Variants in MFSD8 observed in about 807,000 individuals in gnomAD.
MFSD8 encodes major facilitator superfamily domain-containing protein 8.
In MFSD8, 55 loss-of-function variants were observed where a neutral mutation model predicts 66.4. The observed-to-expected ratio is 0.83, with a 90% CI of 0.67 to 1.04. The LOEUF is 1.04. Ranked by LOEUF, MFSD8 falls within the 50% of genes least tolerant of loss-of-function variation. MFSD8 has a pLI of 0.00. For missense variants in MFSD8, 550 were observed against 627.6 expected (o/e 0.88, Z 1.32); for synonymous variants, 202 against 212.8 (o/e 0.95, Z 0.44).
intron 9 of MFSD8, among the ~76,000 whole-genome samples, chr4:127,925,545 T>C (rs1338872687): frequency 2.0e-5 from 3 of 152,162 alleles, no homozygotes; most frequent in African/African-American, 7.2e-5. Flanking sequence ...TGAGATACCA[T>C]CTCACACCAG....
chr4:127,926,070 C>T (rs915156750), intron 9 of MFSD8, among the ~76,000 whole-genome samples: 1 of 151,722 alleles, frequency 6.6e-6, no homozygotes, highest in Non-Finnish European at 1.5e-5. Flanking sequence ...GAACATCACA[C>T]ACAGGGGCCT....
At chr4:127,952,336 G>C (rs182076323) in intron 2 of MFSD8, among the ~76,000 whole-genome samples, 19 of 151,202 alleles carry the variant, frequency 1.3e-4, no homozygotes, top group Middle Eastern at 3.4e-3. Context: ...CCCGGGAGGC[G>C]AAGCTTGCAG....
At chr4:127,954,273 C>CT (rs1560771515) in intron 2 of MFSD8, among the ~76,000 whole-genome samples, 2 of 152,094 alleles carry the variant, frequency 1.3e-5, no homozygotes, top group Non-Finnish European at 2.9e-5. Context: ...TTGTATTTTA[C>CT]TTTTTGTATG....
chr4:127,941,995 A>C, intron 5 of MFSD8, 50 bp downstream of exon 5: 1 of 1,442,718 alleles, frequency 6.9e-7, no homozygotes, highest in Non-Finnish European at 9.8e-7. Context: ...TTTAAGCCTC[A>C]AAAGTTTTCC....
At chr4:127,944,745 C>T (rs770475805) in intron 3 of MFSD8, among the ~76,000 whole-genome samples, 6 of 152,090 alleles carry the variant, frequency 3.9e-5, no homozygotes, top group Non-Finnish European at 2.9e-5. Flanking sequence ...AGTGCAGCCT[C>T]GACCTTTGAG....
intron 1 of MFSD8, among the ~76,000 whole-genome samples, chr4:127,964,384 G>A (rs954328851): frequency 6.6e-6 from 1 of 152,242 alleles, no homozygotes; most frequent in Non-Finnish European, 1.5e-5. Flanking sequence ...CCTGCCCCGC[G>A]GGAAGGCAGC....
intron 7 of MFSD8, 34 bp downstream of exon 7, chr4:127,938,749 G>A (rs367738982): frequency 6.5e-7 from 1 of 1,543,166 alleles, no homozygotes; most frequent in South Asian, 1.1e-5. Context: ...CTTTGATAAT[G>A]TTATATTAAT....
chr4:127,958,547 A>G (rs957781953), intron 1 of MFSD8, among the ~76,000 whole-genome samples: 1 of 152,328 alleles, frequency 6.6e-6, no homozygotes, highest in African/African-American at 2.4e-5. Context: ...TATGCCAAAC[A>G]TATTAGTTCC....
Position 127,933,108 on chromosome 4 carries a change from G to T in MFSD8, c.755-15C>A, listed in dbSNP as rs767947557. On this transcript the variant is annotated splice_polypyrimidine_tract_variant and intron_variant, in intron 7 of 11. Coordinates refer to ENST00000641686, the MANE Select transcript of MFSD8 (RefSeq NM_001371596.2). ...ATCTGTACTTGCTATAGGGAAATAGGAGAAAAATTACATTACCTATACATC... is the reference window on the plus strand; with the variant it reads ...ATCTGTACTTGCTATAGGGAAATAGTAGAAAAATTACATTACCTATACATC... 1.3e-6 allele frequency: 2 copies of T among 1,593,514 alleles called. No homozygotes were observed. The highest frequency in any genetic ancestry group is 2.7e-5 in the African/African-American group (2 of 74,598).
intron 7 of MFSD8, among the ~76,000 whole-genome samples, chr4:127,936,931 C>T (rs1224996316): frequency 2.0e-5 from 3 of 152,184 alleles, no homozygotes; most frequent in Non-Finnish European, 2.9e-5. Flanking sequence ...CTCTACCTCA[C>T]CCTCTTAACT....
chr4:127,933,381 G>A (rs1381709749), intron 7 of MFSD8: 4 of 274,584 alleles, frequency 1.5e-5, no homozygotes, highest in Admixed American at 1.4e-4. Flanking sequence ...AAGAAGCTGG[G>A]GCTACAGATG....
chr4:127,950,791 C>T (rs747924002), intron 2 of MFSD8, among the ~76,000 whole-genome samples: 31 of 152,042 alleles, frequency 2.0e-4, no homozygotes, highest in Non-Finnish European at 1.5e-4. Context: ...GGCACAGTGT[C>T]TCACGCCTGT....
At chr4:127,927,822 G>T (rs765094030) in intron 9 of MFSD8, among the ~76,000 whole-genome samples, 4 of 152,066 alleles carry the variant, frequency 2.6e-5, no homozygotes, top group Admixed American at 6.6e-5. Flanking sequence ...AAGTAGCTGG[G>T]ACTACAGGCG....
At chr4:127,960,998 A>G (rs1743641880) in intron 1 of MFSD8, among the ~76,000 whole-genome samples, 1 of 152,244 alleles carries the variant, frequency 6.6e-6, no homozygotes, top group Non-Finnish European at 1.5e-5. Flanking sequence ...TAAAATATTT[A>G]CAATCTGGGA....
Position 127,919,232 on chromosome 4 carries a change from G to A in MFSD8, c.*1398C>T, listed in dbSNP as rs1736096073. The stretch of plus-strand genomic sequence containing the variant: ...TGTTTTTATTTTTTGTAAAGACAGG[G>A]TCTCACTTTGTTTCCCAGGCTGGTC... On this transcript the variant is annotated 3_prime_UTR_variant, in exon 12 of 12. Coordinates refer to ENST00000641686, the MANE Select transcript of MFSD8 (RefSeq NM_001371596.2). 1 of 152,146 alleles carries A rather than the reference G, an allele frequency of 6.6e-6. No individual in the cohort carries two copies. Among genetic ancestry groups the A allele is most frequent in the African/African-American group, 2.4e-5 (1 of 41,426 alleles). 9.4% of individuals were successfully genotyped at this position (152,146 alleles called of 1,614,324 possible).
At chr4:127,933,229 T>C (rs1320437407) in intron 7 of MFSD8, 136 bp from the exon 8 acceptor site, 1 of 668,186 alleles carries the variant, frequency 1.5e-6, no homozygotes, top group Non-Finnish European at 2.6e-6. Flanking sequence ...CAAAGTAGTT[T>C]AATAATAAGA....
chr4:127,957,972 T>C (rs1743161899), intron 1 of MFSD8, among the ~76,000 whole-genome samples: 1 of 152,124 alleles, frequency 6.6e-6, no homozygotes, highest in South Asian at 2.1e-4. Flanking sequence ...AGCTACTAAG[T>C]ACTAAAAAAT....
intron 8 of MFSD8, among the ~76,000 whole-genome samples, chr4:127,931,077 T>C (rs2148874921): frequency 6.6e-6 from 1 of 152,234 alleles, no homozygotes; most frequent in Non-Finnish European, 1.5e-5. Context: ...TTACAGAAAG[T>C]CTGAAACAAA....
intron 9 of MFSD8, among the ~76,000 whole-genome samples, chr4:127,929,476 T>C: frequency 6.7e-6 from 1 of 149,474 alleles, no homozygotes. Flanking sequence ...TAGTCCTAAC[T>C]ACTCATGAAG....
Sources: allele counts gnomAD v4.1 joint callset (sites outside exome capture counted in the v4.1 genomes callset), GRCh38; gene constraint gnomAD v4.1.1; transcripts MANE v1.5; gene names NCBI Gene and HGNC (gene_info 2026-07-23, HGNC 2026-07-21).